The following CADPS2 variants were observed in gnomAD, a reference collection of about 807,000 sequenced individuals.
CADPS2 encodes calcium dependent secretion activator 2.
A neutral mutation model predicts 172.5 loss-of-function variants in CADPS2; 93 were observed. That is an observed-to-expected ratio of 0.54 (90% CI 0.46 to 0.64). The LOEUF (loss-of-function observed/expected upper bound fraction) is 0.64, where lower values mean the gene tolerates loss of function less well. Among genes scored for constraint, CADPS2 ranks in the 30% least tolerant of loss-of-function variants. The pLI, the probability that CADPS2 is intolerant of heterozygous loss-of-function variation, is 0.00. For missense variants in CADPS2, 1,420 were observed against 1,565.9 expected (o/e 0.91, Z 1.57); for synonymous variants, 546 against 555.2 (o/e 0.98, Z 0.23).
At chr7:122,539,700 G>C (rs1276115439) in intron 8 of CADPS2, among the ~76,000 whole-genome samples, 3 of 151,754 alleles carry the variant, frequency 2.0e-5, no homozygotes, top group Admixed American at 2.0e-4. Flanking sequence ...TTAGAATGTT[G>C]TAAATTTAAA....
intron 17 of CADPS2, among the ~76,000 whole-genome samples, chr7:122,419,133 C>T (rs1175870315): frequency 2.0e-5 from 3 of 152,070 alleles, no homozygotes; most frequent in Non-Finnish European, 2.9e-5. Context: ...CTTGTGCAGG[C>T]TTTGGACCAT....
chr7:122,859,279 C>G (rs1326745572), intron 1 of CADPS2, among the ~76,000 whole-genome samples: 1 of 152,170 alleles, frequency 6.6e-6, no homozygotes, highest in Non-Finnish European at 1.5e-5. Context: ...TGGGAGTCAT[C>G]TGTTGAAAAG....
chr7:122,845,741 A>T (rs1811821261), intron 1 of CADPS2, among the ~76,000 whole-genome samples: 1 of 152,228 alleles, frequency 6.6e-6, no homozygotes, highest in Admixed American at 6.5e-5. Context: ...ACTATGACAT[A>T]GCACAGGACA....
At chr7:122,786,570 A>C (rs758472669) in intron 1 of CADPS2, among the ~76,000 whole-genome samples, 24 of 152,214 alleles carry the variant, frequency 1.6e-4, no homozygotes, top group Non-Finnish European at 2.5e-4. Flanking sequence ...AGTGTGTTGT[A>C]GCCATTGGTG....
intron 7 of CADPS2, among the ~76,000 whole-genome samples, chr7:122,573,592 A>G (rs1333163655): frequency 3.3e-5 from 5 of 152,158 alleles, no homozygotes; most frequent in African/African-American, 1.2e-4. Context: ...CAACTGTCAG[A>G]AAGAATGTTT....
intron 1 of CADPS2, among the ~76,000 whole-genome samples, chr7:122,787,102 G>T (rs1794223812): frequency 1.3e-5 from 2 of 152,278 alleles, no homozygotes; most frequent in Non-Finnish European, 2.9e-5. Context: ...AGCCACTCCA[G>T]AAGGAATACA....
chr7:122,822,790 C>T (rs1323716396), intron 1 of CADPS2, among the ~76,000 whole-genome samples: 2 of 151,542 alleles, frequency 1.3e-5, no homozygotes. Context: ...CCCCACTGAA[C>T]ACCTTGCGAC....
chr7:122,330,265 C>A (rs920803), intron 28 of CADPS2, among the ~76,000 whole-genome samples: 32,701 of 151,960 alleles, frequency 0.22, 3,896 homozygotes, highest in South Asian at 0.26. Flanking sequence ...AAAGAACAAA[C>A]AATATTTGTT....
At chr7:122,463,087 T>C (rs2054666333) in intron 14 of CADPS2, among the ~76,000 whole-genome samples, 1 of 152,192 alleles carries the variant, frequency 6.6e-6, no homozygotes, top group Non-Finnish European at 1.5e-5. Context: ...AGGCAAGAAT[T>C]AGTAAGACTT....
At chr7:122,768,339 T>C (rs973527401) in intron 1 of CADPS2, among the ~76,000 whole-genome samples, 1 of 152,210 alleles carries the variant, frequency 6.6e-6, no homozygotes, top group Non-Finnish European at 1.5e-5. Flanking sequence ...CAAAGTCATA[T>C]ATAAATCTAA....
chr7:122,462,566 T>C (rs901042937), intron 14 of CADPS2, among the ~76,000 whole-genome samples: 1 of 152,114 alleles, frequency 6.6e-6, no homozygotes, highest in African/African-American at 2.4e-5. Flanking sequence ...TGGACCAAAC[T>C]AATTAAAGGA....
chr7:122,844,851 C>T (rs1811540671), intron 1 of CADPS2, among the ~76,000 whole-genome samples: 2 of 151,766 alleles, frequency 1.3e-5, no homozygotes, highest in South Asian at 2.1e-4. Context: ...ATTGAGCAAA[C>T]CTTGGATGTA....
chr7:122,807,765 T>G (rs1799104505), intron 1 of CADPS2, among the ~76,000 whole-genome samples: 1 of 152,094 alleles, frequency 6.6e-6, no homozygotes, highest in African/African-American at 2.4e-5. Flanking sequence ...ACATACAATC[T>G]TGGCATGGGG....
At chr7:122,839,088 C>T (rs1809533013) in intron 1 of CADPS2, among the ~76,000 whole-genome samples, 1 of 152,116 alleles carries the variant, frequency 6.6e-6, no homozygotes, top group South Asian at 2.1e-4. Context: ...GAGATATAGA[C>T]CAATGGAACA....
intron 4 of CADPS2, among the ~76,000 whole-genome samples, chr7:122,626,702 TTATCCCAATG>T (rs764392917): frequency 2.7e-4 from 41 of 152,346 alleles, no homozygotes; most frequent in Non-Finnish European, 4.6e-4. Context: ...TTGTCTCATT[TTATCCCAATG>T]TATCCCAAGT....
chr7:122,494,889 T>C (rs1291832341), intron 9 of CADPS2, among the ~76,000 whole-genome samples: 1 of 151,948 alleles, frequency 6.6e-6, no homozygotes, highest in Non-Finnish European at 1.5e-5. Flanking sequence ...GGGTTTTTTT[T>C]TTTTATTTTT....
intron 1 of CADPS2, among the ~76,000 whole-genome samples, chr7:122,835,926 G>A (rs1187615723): frequency 6.6e-6 from 1 of 152,046 alleles, no homozygotes; most frequent in African/African-American, 2.4e-5. Context: ...GAAATACAGA[G>A]AACGCCACAA....
Position 122,736,961 on chromosome 7 carries a change from A to G in CADPS2, c.447T>C (p.Tyr149=). 6.3e-7 allele frequency: 1 copy of G among 1,586,420 alleles called. No individual in the cohort carries two copies. Among genetic ancestry groups the G allele is most frequent in the Non-Finnish European group, 8.7e-7 (1 of 1,155,932 alleles). ...CAAAGCTCTTCAAACTTACCTCATA[A>G]TAACTCCGAACTGCGTTGCAAAATG... The part of the protein sequence containing the change: ...DEAFCNAVRS[Y]YEVFLKSDRV... The change falls in exon 2 of 30, where the codon TAT becomes TAC. Residue 149 remains tyrosine, a synonymous_variant. Transcript: ENST00000449022.
intron 6 of CADPS2, among the ~76,000 whole-genome samples, chr7:122,588,041 C>A (rs529279433): frequency 6.6e-6 from 1 of 152,022 alleles, no homozygotes; most frequent in Non-Finnish European, 1.5e-5. Flanking sequence ...GTCCTTTGCC[C>A]ACTTTTAAAT....
Sources: allele counts gnomAD v4.1 joint callset (sites outside exome capture counted in the v4.1 genomes callset), GRCh38; gene constraint gnomAD v4.1.1; transcripts MANE v1.5; gene names NCBI Gene and HGNC (gene_info 2026-07-23, HGNC 2026-07-21).